The following LMBRD2 variants were observed in gnomAD, a reference collection of about 807,000 sequenced individuals.
The protein encoded by LMBRD2 is LMBR1 domain containing 2.
LMBRD2 carries 55 observed loss-of-function variants against 94.4 expected under a neutral mutation model. That is an observed-to-expected ratio of 0.58 (90% CI 0.47 to 0.73). LMBRD2 has a LOEUF of 0.73. Ranked by LOEUF, LMBRD2 falls within the 30% of genes least tolerant of loss-of-function variation. The probability of loss-of-function intolerance (pLI) is 0.00; values close to 1 mark genes in which losing one functional copy is unlikely to be tolerated. For missense variants in LMBRD2, 640 were observed against 831.9 expected (o/e 0.77, Z 2.84); for synonymous variants, 246 against 272.4 (o/e 0.90, Z 0.95).
chr5:36,122,522 T>G, intron 8 of LMBRD2, 59 bp from the exon 9 acceptor site: 1 of 1,365,686 alleles, frequency 7.3e-7, no homozygotes, highest in Non-Finnish European at 1.0e-6. Context: ...GGTTCAACTC[T>G]CCACTAGGGA....
In LMBRD2 at chr5:36,099,678, A is replaced by C. The variant is rs1383354719; in HGVS notation, c.*4368T>G. ...ACTCTTTTGAACTAAGTACAGTAAA[A>C]TTCTTTCACAAAATAATCTGAGATC... On this transcript the variant is annotated 3_prime_UTR_variant, in exon 18 of 18. Transcript: ENST00000296603. 1 of 152,200 alleles carries C rather than the reference A, an allele frequency of 6.6e-6. No individual in the cohort carries two copies. Among genetic ancestry groups the C allele is most frequent in the Admixed American group, 6.6e-5 (1 of 15,260 alleles). 9.4% of individuals were successfully genotyped at this position (152,200 alleles called of 1,614,324 possible).
chr5:36,103,838 A>T lies in LMBRD2; in HGVS notation c.*208T>A. On this transcript the variant is annotated 3_prime_UTR_variant, in exon 18 of 18. Coordinates refer to ENST00000296603, the MANE Select transcript of LMBRD2 (RefSeq NM_001007527.2). ...TTCTAAGGCAGATGCTTAGGAAATG[A>T]TATGTAATAAATCTTGTTGAAAAAG... The T allele has an allele frequency of 2.6e-6, 1 of 379,970 alleles. No individual in the cohort carries two copies. The highest frequency in any genetic ancestry group is 4.7e-5 in the South Asian group (1 of 21,278). The allele number at this position is 379,970 out of a possible 1,614,324, so 23.5% of individuals were successfully genotyped here.
intron 15 of LMBRD2, among the ~76,000 whole-genome samples, chr5:36,109,606 A>T (rs1172786623): frequency 6.6e-6 from 1 of 152,070 alleles, no homozygotes; most frequent in Non-Finnish European, 1.5e-5. Flanking sequence ...AAAAAAAGAG[A>T]AACAATTTTA....
intron 4 of LMBRD2, among the ~76,000 whole-genome samples, chr5:36,140,039 G>A (rs1744366241): frequency 6.6e-6 from 1 of 152,190 alleles, no homozygotes; most frequent in African/African-American, 2.4e-5. Context: ...CCTTCCAGGA[G>A]CCCAGATCTA....
intron 13 of LMBRD2, among the ~76,000 whole-genome samples, 172 bp downstream of exon 13, chr5:36,114,252 T>C (rs1743686242): frequency 6.6e-6 from 1 of 152,128 alleles, no homozygotes; most frequent in Non-Finnish European, 1.5e-5. Context: ...TTAAATTTTT[T>C]AGAGGGAGAC....
rs746878269 is a variant in LMBRD2, at chr5:36,105,188, T to C, written c.1907A>G (p.Lys636Arg). ...AGTCCTGTTATTAGCCCTGGTATATTTGAATGCAGCTGCAAAGGAAGGGGG... is the reference window on the plus strand; with the variant it reads ...AGTCCTGTTATTAGCCCTGGTATATCTGAATGCAGCTGCAAAGGAAGGGGG... ...SDVNTNRSAF[K>R]YTRANNRTER... Residue 636 changes from lysine (K) to arginine (R), a missense_variant, in exon 17 of 18, where the codon AAA (lysine) becomes AGA (arginine). Lys to Arg is a conservative substitution (Grantham distance 26, BLOSUM62 2). Coordinates refer to ENST00000296603, the MANE Select transcript of LMBRD2 (RefSeq NM_001007527.2). The C allele has an allele frequency of 3.1e-6, 5 of 1,612,080 alleles. No homozygotes were observed. Among genetic ancestry groups the C allele is most frequent in the African/African-American group, 1.3e-5 (1 of 74,916 alleles).
rs1269508286 is a variant in LMBRD2 at position 36,116,553 on chromosome 5, A to G, written c.1343T>C (p.Val448Ala). Residue 448 changes from valine (V) to alanine (A), a missense_variant, in exon 11 of 18, where the codon GTT becomes GCT. Physicochemically the swap from Val to Ala is moderately conservative, Grantham distance 64 (BLOSUM62 0). Coordinates refer to ENST00000296603, the MANE Select transcript of LMBRD2 (RefSeq NM_001007527.2). ...FLSIFFLSIC[V>A]YSTVFRIRVF... ...ACGAATCCTGAACACAGTAGAATAAACACAGATACTTAGGAAGAAGATGGA... is the reference window on the plus strand; with the variant it reads ...ACGAATCCTGAACACAGTAGAATAAGCACAGATACTTAGGAAGAAGATGGA... 6.2e-7 allele frequency: 1 copy of G among 1,613,652 alleles called. No homozygotes were observed. Among genetic ancestry groups the G allele is most frequent in the East Asian group, 2.2e-5 (1 of 44,856 alleles).
intron 6 of LMBRD2, among the ~76,000 whole-genome samples, chr5:36,129,437 G>T (rs1014943699): frequency 4.6e-5 from 7 of 151,562 alleles, no homozygotes; most frequent in Admixed American, 2.0e-4. Flanking sequence ...AACCTTACAG[G>T]CCAGGAGAGT....
intron 6 of LMBRD2, among the ~76,000 whole-genome samples, chr5:36,125,245 G>A (rs1554082298): frequency 6.6e-6 from 1 of 152,154 alleles, no homozygotes; most frequent in Non-Finnish European, 1.5e-5. Context: ...CACTGTTTTA[G>A]TCAGGTGAAA....
At chr5:36,117,337 G>A (rs1478426663) in intron 10 of LMBRD2, among the ~76,000 whole-genome samples, 1 of 152,026 alleles carries the variant, frequency 6.6e-6, no homozygotes, top group Non-Finnish European at 1.5e-5. Context: ...AATTAGCAGG[G>A]GATGGTGGTG....
chr5:36,111,381 T>C, intron 13 of LMBRD2, 123 bp from the exon 14 acceptor site: 1 of 715,186 alleles, frequency 1.4e-6, no homozygotes. Flanking sequence ...TATCATATAG[T>C]TATCTACTGT....
At position 36,143,258 on chromosome 5, in the gene LMBRD2, T is replaced by G. The variant is rs1022833722; in HGVS notation, c.92A>C (p.His31Pro). 1 of 1,612,590 alleles carries G rather than the reference T, an allele frequency of 6.2e-7. No individual in the cohort carries two copies. The highest frequency in any genetic ancestry group is 1.3e-5 in the African/African-American group (1 of 74,892). ...LHRYGDFKKQ[H>P]RLVIIGTLLA... is the part of the protein sequence containing the mutation. ...CAGTGTTCCAATAATCACAAGTCTA[T>G]GCTGTTTCTTAAAGTCTCCATATCG... Residue 31 changes from histidine (H) to proline (P), a missense_variant, in exon 2 of 18, where the codon CAT (histidine) becomes CCT (proline). This residue lies in a region of LMBRD2 where 457 missense variants were observed against 642.8 expected (regional missense o/e 0.71). Transcript: ENST00000296603.
rs1743875714 is a variant in LMBRD2, at chr5:36,120,948, T to A, written c.1120+1332A>T. Among the ~76,000 whole-genome samples, 3 of 152,174 alleles carry A rather than the reference T, an allele frequency of 2.0e-5. 1 individual carries two copies. In the South Asian group the frequency reaches 6.2e-4, roughly 31 times the overall value. On this transcript the variant is annotated intron_variant, in intron 9 of 17. Coordinates refer to ENST00000296603, the MANE Select transcript of LMBRD2 (RefSeq NM_001007527.2). ...TCCACCTAATCTCTAAATTCTGGAG[T>A]GCCTCAGGCTTGGTCCTCAGACTTT...
intron 9 of LMBRD2, among the ~76,000 whole-genome samples, chr5:36,120,152 G>A (rs572443906): frequency 9.3e-5 from 14 of 150,988 alleles, no homozygotes; most frequent in East Asian, 2.0e-4. Context: ...TCTGCCTCCC[G>A]GGTTCAAGCG....
chr5:36,126,263 ATATAT>A (rs1744005069), intron 6 of LMBRD2, among the ~76,000 whole-genome samples: 1 of 152,200 alleles, frequency 6.6e-6, no homozygotes, highest in African/African-American at 2.4e-5. Context: ...CAATTTGTTT[ATATAT>A]TATATGTGAA....
In LMBRD2 at chr5:36,099,511, C is replaced by T. The variant is rs551768625; in HGVS notation, c.*4535G>A. On this transcript the variant is annotated 3_prime_UTR_variant, in exon 18 of 18. Transcript: ENST00000296603. ...TATGCTAAGTACGGAAGATGCTTGC[C>T]AGCATTGTTGAGAAATGCAGTTCCA... The T allele has an allele frequency of 1.3e-5, 2 of 152,210 alleles. No homozygotes were observed. Among genetic ancestry groups the T allele is most frequent in the African/African-American group, 4.8e-5 (2 of 41,548 alleles). The allele number at this position is 152,210 out of a possible 1,614,324, so 9.4% of individuals were successfully genotyped here.
chr5:36,122,157 T>C, intron 9 of LMBRD2, 123 bp downstream of exon 9: 2 of 638,864 alleles, frequency 3.1e-6, no homozygotes, highest in Admixed American at 3.5e-5. Flanking sequence ...AGATACTTAA[T>C]ATCACATGGT....
intron 2 of LMBRD2, chr5:36,142,805 A>G (rs1744446092): frequency 2.4e-6 from 1 of 409,138 alleles, no homozygotes; most frequent in Admixed American, 4.2e-5. Flanking sequence ...GCTTACTGCA[A>G]GCTCCGCCTC....
intron 7 of LMBRD2, 86 bp from the exon 8 acceptor site, chr5:36,123,047 G>T: frequency 7.8e-7 from 1 of 1,289,944 alleles, no homozygotes. Flanking sequence ...TCATTCTTGA[G>T]CAGTTCTAAT....
Sources: allele counts gnomAD v4.1 joint callset (sites outside exome capture counted in the v4.1 genomes callset), GRCh38; gene constraint gnomAD v4.1.1; regional missense constraint gnomAD v4.1.1; transcripts MANE v1.5; gene names NCBI Gene and HGNC (gene_info 2026-07-23, HGNC 2026-07-21).